Variants in MGAT4C observed in about 807,000 individuals in gnomAD.
MGAT4C encodes alpha-1,3-mannosyl-glycoprotein 4-beta-N-acetylglucosaminyltransferase C.
In MGAT4C, 19 loss-of-function variants were observed where a neutral mutation model predicts 40.1. The observed-to-expected ratio is 0.47, with a 90% CI of 0.33 to 0.70. The LOEUF (loss-of-function observed/expected upper bound fraction) is 0.70. Ranked by LOEUF, MGAT4C falls within the 30% of genes least tolerant of loss-of-function variation. The pLI, the probability that MGAT4C is intolerant of heterozygous loss-of-function variation, is 0.02. For synonymous variants in MGAT4C, 181 were observed against 187.1 expected (o/e 0.97, Z 0.27); for missense variants, 491 against 563.2 (o/e 0.87, Z 1.30).
At chr12:86,176,221 G>T (rs1437985895) in intron 1 of MGAT4C, among the ~76,000 whole-genome samples, 3 of 152,004 alleles carry the variant, frequency 2.0e-5, no homozygotes, top group Admixed American at 2.0e-4. Context: ...TTTCACATAG[G>T]CCTAAATAGT....
At chr12:86,284,650 T>G (rs530754808) in intron 4 of MGAT4C, among the ~76,000 whole-genome samples, 6 of 152,110 alleles carry the variant, frequency 3.9e-5, no homozygotes, top group Non-Finnish European at 7.4e-5. Context: ...TAGGAAACCA[T>G]GAAAAATCAT....
chr12:86,109,736 A>AT (rs1398096288), intron 1 of MGAT4C, among the ~76,000 whole-genome samples: 1 of 151,982 alleles, frequency 6.6e-6, no homozygotes, highest in Non-Finnish European at 1.5e-5. Context: ...CTAGTCACAC[A>AT]TTTTTTTAAA....
intron 2 of MGAT4C, among the ~76,000 whole-genome samples, chr12:86,673,850 C>G (rs1338183201): frequency 6.6e-6 from 1 of 151,854 alleles, no homozygotes; most frequent in Non-Finnish European, 1.5e-5. Context: ...AATTAGCTAC[C>G]TTTAATTATA....
chr12:86,596,815 A>T (rs189804913), intron 2 of MGAT4C, among the ~76,000 whole-genome samples: 6 of 152,292 alleles, frequency 3.9e-5, no homozygotes, highest in Non-Finnish European at 8.8e-5. Flanking sequence ...AAATGGGGGA[A>T]TGTGAATTAA....
intron 2 of MGAT4C, among the ~76,000 whole-genome samples, chr12:86,484,445 T>C (rs1957984411): frequency 6.6e-6 from 1 of 152,224 alleles, no homozygotes; most frequent in Admixed American, 6.5e-5. Flanking sequence ...GTACAGCCTC[T>C]GCTGCCCAAC....
chr12:86,739,255 G>T (rs1017175925), intron 1 of MGAT4C, among the ~76,000 whole-genome samples: 1 of 147,280 alleles, frequency 6.8e-6, no homozygotes, highest in African/African-American at 2.5e-5. Flanking sequence ...ATTTTTCAAT[G>T]TTTGTAGTAC....
intron 2 of MGAT4C, among the ~76,000 whole-genome samples, chr12:86,009,769 T>C (rs566181211): frequency 1.8e-4 from 27 of 152,344 alleles, no homozygotes; most frequent in Non-Finnish European, 3.5e-4. Context: ...CTACACATTC[T>C]TTCCTTTATT....
chr12:86,122,723 C>A (rs1038813149), intron 1 of MGAT4C, among the ~76,000 whole-genome samples: 2 of 151,922 alleles, frequency 1.3e-5, no homozygotes, highest in Non-Finnish European at 2.9e-5. Context: ...ATCAACAAAA[C>A]AATAAGCAGA....
chr12:86,469,181 T>C (rs1199307048), intron 2 of MGAT4C, among the ~76,000 whole-genome samples: 2 of 152,130 alleles, frequency 1.3e-5, no homozygotes, highest in Admixed American at 6.6e-5. Flanking sequence ...TTTTTAAATA[T>C]ATTATATCAG....
chr12:86,294,988 A>T (rs2136132359), intron 4 of MGAT4C, among the ~76,000 whole-genome samples: 1 of 152,286 alleles, frequency 6.6e-6, no homozygotes. Context: ...CAATAATTCC[A>T]AAATTTCTCA....
chr12:86,764,465 C>A (rs990278252), intron 1 of MGAT4C, among the ~76,000 whole-genome samples: 8 of 151,714 alleles, frequency 5.3e-5, no homozygotes, highest in Non-Finnish European at 2.9e-5. Context: ...ACAGCAGTAA[C>A]CTCTGCAGAC....
chr12:86,589,871 AC>A (rs1422990360), intron 2 of MGAT4C, among the ~76,000 whole-genome samples: 2 of 152,166 alleles, frequency 1.3e-5, no homozygotes, highest in South Asian at 2.1e-4. Context: ...GTTCCCAAGC[AC>A]AAACAAAAGC....
intron 1 of MGAT4C, among the ~76,000 whole-genome samples, chr12:86,185,913 C>A (rs1888703198): frequency 6.6e-6 from 1 of 151,952 alleles, no homozygotes; most frequent in Admixed American, 6.6e-5. Flanking sequence ...TATACAATTT[C>A]CCCTCCCCAC....
At chr12:86,264,158 C>T (rs1010584409) in intron 4 of MGAT4C, among the ~76,000 whole-genome samples, 1 of 152,074 alleles carries the variant, frequency 6.6e-6, no homozygotes, top group African/African-American at 2.4e-5. Context: ...TTGATTGTTT[C>T]TTTTGCTGTG....
At chr12:86,010,677 CT>C (rs1888369249) in intron 2 of MGAT4C, among the ~76,000 whole-genome samples, 1 of 135,558 alleles carries the variant, frequency 7.4e-6, no homozygotes, top group African/African-American at 2.8e-5. Context: ...GACTCTGTCT[CT>C]AACAAACAAA....
At chr12:86,230,715 T>A (rs1951281869) in intron 1 of MGAT4C, among the ~76,000 whole-genome samples, 1 of 151,980 alleles carries the variant, frequency 6.6e-6, no homozygotes, top group Non-Finnish European at 1.5e-5. Flanking sequence ...AAGGAAAAAC[T>A]CCAAAGAGAA....
In MGAT4C at chr12:86,795,589, GAGAC is replaced by G. The variant is rs1952099985; in HGVS notation, c.-262+43073_-262+43076del. Reference sequence around the variant, plus strand: ...ATGTATTTGGAAATATAGGACATGAGAGACAGAGAAAGGAGAGAGAGAGAGAAAG... The same window carrying G: ...ATGTATTTGGAAATATAGGACATGAGAGAGAAAGGAGAGAGAGAGAGAAAG... On this transcript the variant is annotated intron_variant, in intron 1 of 7. Transcript: ENST00000548651. Among the ~76,000 whole-genome samples, 5 of 151,696 alleles carry G rather than the reference GAGAC, an allele frequency of 3.3e-5. No individual in the cohort carries two copies. In the East Asian group the frequency reaches 9.7e-4, roughly 29 times the overall value.
chr12:86,797,001 G>C (rs568639770), intron 1 of MGAT4C, among the ~76,000 whole-genome samples: 11 of 151,944 alleles, frequency 7.2e-5, no homozygotes, highest in African/African-American at 2.6e-4. Context: ...GGGATGGATG[G>C]CTTATCTTTT....
At chr12:86,080,171 C>T (rs191225459) in intron 1 of MGAT4C, among the ~76,000 whole-genome samples, 7 of 152,074 alleles carry the variant, frequency 4.6e-5, no homozygotes, top group East Asian at 3.9e-4. Context: ...ATTTTTCCTT[C>T]TCCTCCCCTC....
Sources: gnomAD v4.1 joint callset for allele counts (sites outside exome capture counted in the v4.1 genomes callset) on GRCh38, gnomAD v4.1.1 for gene constraint, MANE v1.5 for transcripts, NCBI Gene and HGNC (gene_info 2026-07-23, HGNC 2026-07-21) for gene names.